The following SOX5 variants were observed in gnomAD, a reference collection of about 807,000 sequenced individuals.
SOX5 encodes the protein SRY-box transcription factor 5.
Under a neutral mutation model 92.0 loss-of-function variants are expected in SOX5, and 9 were observed. The ratio of observed to expected loss-of-function variants is 0.10; its 90% CI spans 0.06 to 0.17. The LOEUF (loss-of-function observed/expected upper bound fraction) is 0.17. SOX5 is among the 10% of genes least tolerant of loss of function. The pLI, the probability that SOX5 is intolerant of heterozygous loss-of-function variation, is 1.00. For missense variants in SOX5, 642 were observed against 944.5 expected, an observed-to-expected ratio of 0.68 and a Z score of 4.20; for synonymous variants, 344 against 336.3, an observed-to-expected ratio of 1.02 and a Z score of -0.25.
At chr12:24,022,166 G>A (rs1663397763) in intron 4 of SOX5, among the ~76,000 whole-genome samples, 1 of 152,156 alleles carries the variant, frequency 6.6e-6, no homozygotes, top group Admixed American at 6.6e-5. Context: ...TGTTATTTAG[G>A]AGAATACATG....
At chr12:24,074,629 C>CAAAAAAAAAAAAAAAAAA (rs1942266932) in intron 4 of SOX5, among the ~76,000 whole-genome samples, 1 of 7,318 alleles carries the variant, frequency 1.4e-4, no homozygotes, top group Non-Finnish European at 4.1e-4. Context: ...CTGTAAACTA[C>CAAAAAAAAAAAAAAAAAA]CAAAAAAAAA....
At chr12:24,278,096 T>C (rs371036134) in intron 2 of SOX5, among the ~76,000 whole-genome samples, 157 of 152,306 alleles carry the variant, frequency 1.0e-3, no homozygotes, top group Middle Eastern at 6.8e-3. Flanking sequence ...ACAGCCTTGA[T>C]TCTGGCTCAG....
At chr12:23,948,948 C>T (rs571501953) in intron 1 of SOX5, among the ~76,000 whole-genome samples, 1 of 152,140 alleles carries the variant, frequency 6.6e-6, no homozygotes, top group South Asian at 2.1e-4. Flanking sequence ...AGAAAGGGAA[C>T]AGCTCCATTT....
At chr12:24,094,312 T>A (rs1209526331) in intron 4 of SOX5, among the ~76,000 whole-genome samples, 1 of 152,212 alleles carries the variant, frequency 6.6e-6, no homozygotes, top group Non-Finnish European at 1.5e-5. Flanking sequence ...TTATTGAACA[T>A]TTATGTTTCA....
intron 3 of SOX5, among the ~76,000 whole-genome samples, chr12:24,270,958 A>G (rs1359697351): frequency 6.6e-6 from 1 of 152,208 alleles, no homozygotes; most frequent in Non-Finnish European, 1.5e-5. Flanking sequence ...GCAAATACAA[A>G]TATTTCTCAT....
chr12:24,189,854 T>A (rs941186809), intron 4 of SOX5, among the ~76,000 whole-genome samples: 3 of 152,188 alleles, frequency 2.0e-5, no homozygotes, highest in Admixed American at 2.0e-4. Context: ...TGAGGACATA[T>A]TGAGACAAGT....
At chr12:24,206,900 C>T (rs898218959) in intron 4 of SOX5, among the ~76,000 whole-genome samples, 3 of 152,190 alleles carry the variant, frequency 2.0e-5, no homozygotes, top group Non-Finnish European at 4.4e-5. Flanking sequence ...GTGCTAAGAT[C>T]CTCCCATCCT....
intron 3 of SOX5, among the ~76,000 whole-genome samples, chr12:24,240,580 C>G (rs1965376563): frequency 6.6e-6 from 1 of 152,044 alleles, no homozygotes; most frequent in South Asian, 2.1e-4. Context: ...CCTATTTGGG[C>G]AAGAATTGAG....
intron 4 of SOX5, among the ~76,000 whole-genome samples, chr12:24,137,676 G>C (rs1173876523): frequency 6.6e-6 from 1 of 152,074 alleles, no homozygotes; most frequent in African/African-American, 2.4e-5. Context: ...AAACTCTGTT[G>C]TAAGTCTTCA....
intron 8 of SOX5, among the ~76,000 whole-genome samples, chr12:23,625,981 C>A (rs1364367921): frequency 6.6e-6 from 1 of 150,510 alleles, no homozygotes; most frequent in African/African-American, 2.4e-5. Context: ...ATAGCTAGAA[C>A]TTGAAGAAAA....
chr12:23,835,917 A>G (rs2096407330), intron 3 of SOX5, among the ~76,000 whole-genome samples: 1 of 151,784 alleles, frequency 6.6e-6, no homozygotes. Context: ...GAGGATATTG[A>G]GATCATGTGA....
chr12:23,578,697 T>G (rs888939986), intron 9 of SOX5, among the ~76,000 whole-genome samples: 2 of 152,184 alleles, frequency 1.3e-5, no homozygotes, highest in African/African-American at 4.8e-5. Context: ...TCTTGGTCAA[T>G]TAAGCCTAAA....
intron 1 of SOX5, among the ~76,000 whole-genome samples, chr12:24,486,163 C>T (rs1020595526): frequency 3.3e-5 from 5 of 152,126 alleles, no homozygotes; most frequent in African/African-American, 1.2e-4. Context: ...TCTCGAACTC[C>T]TGGCCTTAAG....
At chr12:24,274,698 A>G (rs1055244200) in intron 3 of SOX5, among the ~76,000 whole-genome samples, 1 of 151,372 alleles carries the variant, frequency 6.6e-6, no homozygotes, top group South Asian at 2.1e-4. Flanking sequence ...TTTCACTGTC[A>G]TCTCCACAAT....
intron 1 of SOX5, among the ~76,000 whole-genome samples, chr12:24,511,757 G>A (rs370281038): frequency 3.9e-5 from 6 of 152,048 alleles, no homozygotes; most frequent in African/African-American, 1.4e-4. Context: ...AGGAGATCAA[G>A]ACCATCCTGG....
At chr12:23,605,578 C>G (rs1263136248) in intron 8 of SOX5, among the ~76,000 whole-genome samples, 2 of 151,420 alleles carry the variant, frequency 1.3e-5, no homozygotes, top group Non-Finnish European at 3.0e-5. Context: ...GCTAGAATTT[C>G]TACAATGAAG....
chr12:23,949,815 C>CTT (rs1555447191), upstream of SOX5: 24 of 438,292 alleles, frequency 5.5e-5, no homozygotes, highest in Non-Finnish European at 8.7e-5. Context: ...TCCTTCCCCT[C>CTT]CTCTCTCTCC....
chr12:24,159,534 A>G (rs1952536788), intron 4 of SOX5, among the ~76,000 whole-genome samples: 1 of 151,962 alleles, frequency 6.6e-6, no homozygotes, highest in African/African-American at 2.4e-5. Context: ...AAACTCAATA[A>G]ATTTTTCCCA....
intron 4 of SOX5, among the ~76,000 whole-genome samples, chr12:24,012,242 C>A (rs1033038085): frequency 6.6e-6 from 1 of 152,068 alleles, no homozygotes; most frequent in African/African-American, 2.4e-5. Flanking sequence ...GTAACACAGG[C>A]AACTAGAATG....
Sources: gnomAD v4.1 joint callset for allele counts (sites outside exome capture counted in the v4.1 genomes callset) on GRCh38, gnomAD v4.1.1 for gene constraint, MANE v1.5 for transcripts, NCBI Gene and HGNC (gene_info 2026-07-23, HGNC 2026-07-21) for gene names.